Variants in PLA2G4A observed in about 807,000 individuals in gnomAD.
The protein encoded by PLA2G4A is cytosolic phospholipase A2.
Under a neutral mutation model 81.9 loss-of-function variants are expected in PLA2G4A, and 40 were observed. That is an observed-to-expected ratio of 0.49 (90% CI 0.38 to 0.64). The LOEUF (loss-of-function observed/expected upper bound fraction) is 0.64. PLA2G4A is among the 30% of genes least tolerant of loss of function. The pLI, the probability that PLA2G4A is intolerant of heterozygous loss-of-function variation, is 0.00. For synonymous variants in PLA2G4A, 302 were observed against 296.9 expected (o/e 1.02, Z -0.18); for missense variants, 715 against 905.1 (o/e 0.79, Z 2.69).
intron 2 of PLA2G4A, 85 bp downstream of exon 2, chr1:186,854,472 A>C: frequency 1.2e-6 from 1 of 848,718 alleles, no homozygotes. Flanking sequence ...TAGTAAAGTC[A>C]AACTGTGACA....
chr1:186,856,500 G>A (rs935446540), intron 2 of PLA2G4A, among the ~76,000 whole-genome samples: 1 of 151,164 alleles, frequency 6.6e-6, no homozygotes, highest in Non-Finnish European at 1.5e-5. Flanking sequence ...AGCAATTCGC[G>A]TGACTTAGCC....
intron 1 of PLA2G4A, among the ~76,000 whole-genome samples, chr1:186,851,289 C>T (rs981030705): frequency 1.3e-5 from 2 of 151,992 alleles, no homozygotes; most frequent in Non-Finnish European, 2.9e-5. Context: ...GGAATTACCA[C>T]TGCTGCAGCA....
intron 15 of PLA2G4A, among the ~76,000 whole-genome samples, chr1:186,974,475 G>A (rs1173764962): frequency 6.6e-6 from 1 of 152,136 alleles, no homozygotes; most frequent in African/African-American, 2.4e-5. Context: ...AGCCTGGGCA[G>A]CAGAGTGAGA....
intron 2 of PLA2G4A, among the ~76,000 whole-genome samples, chr1:186,861,094 A>T (rs1652779810): frequency 6.6e-6 from 1 of 152,154 alleles, no homozygotes; most frequent in South Asian, 2.1e-4. Context: ...CTTTAGAGAT[A>T]ACTTATTTGC....
chr1:186,897,995 A>G (rs1364471860), intron 5 of PLA2G4A, among the ~76,000 whole-genome samples: 6 of 151,868 alleles, frequency 4.0e-5, no homozygotes, highest in Non-Finnish European at 7.4e-5. Flanking sequence ...TCCAGTGTCT[A>G]TTTTTCTCAT....
chr1:186,946,507 G>C, intron 10 of PLA2G4A, 130 bp from the exon 11 acceptor site: 1 of 764,858 alleles, frequency 1.3e-6, no homozygotes, highest in Non-Finnish European at 2.3e-6. Flanking sequence ...TTTGGCTAAT[G>C]TTTTCATTTT....
chr1:186,911,216 T>C (rs371026213), intron 6 of PLA2G4A, 32 bp from the exon 7 acceptor site: 5 of 1,607,660 alleles, frequency 3.1e-6, no homozygotes, highest in Non-Finnish European at 4.3e-6. Flanking sequence ...CTGGGAGCAC[T>C]GGCTCATGAC....
chr1:186,830,413 G>T (rs1272632851), intron 1 of PLA2G4A, among the ~76,000 whole-genome samples: 1 of 151,850 alleles, frequency 6.6e-6, no homozygotes, highest in Non-Finnish European at 1.5e-5. Flanking sequence ...TTCGAGACCA[G>T]CCTGGCCAAC....
intron 13 of PLA2G4A, among the ~76,000 whole-genome samples, chr1:186,952,254 G>A (rs544317456): frequency 1.7e-4 from 26 of 152,282 alleles, no homozygotes; most frequent in Admixed American, 9.2e-4. Flanking sequence ...AACCCCTACA[G>A]TACTAGCTGA....
At chr1:186,965,847 A>G (rs12720664) in intron 15 of PLA2G4A, among the ~76,000 whole-genome samples, 415 of 152,296 alleles carry the variant, frequency 2.7e-3, no homozygotes, top group African/African-American at 9.4e-3. Context: ...GAAGTTTAGA[A>G]AGGAAATGAG....
intron 2 of PLA2G4A, among the ~76,000 whole-genome samples, chr1:186,858,887 A>T (rs1269408667): frequency 6.6e-6 from 1 of 151,222 alleles, no homozygotes; most frequent in Non-Finnish European, 1.5e-5. Flanking sequence ...CGCTATGTGT[A>T]TATGGAAAAA....
chr1:186,858,177 G>A (rs1249258477), intron 2 of PLA2G4A, among the ~76,000 whole-genome samples: 8 of 152,192 alleles, frequency 5.3e-5, no homozygotes, highest in South Asian at 2.1e-4. Flanking sequence ...CTGAGGAATC[G>A]CCACACTGTC....
chr1:186,946,866 T>A lies in PLA2G4A; in HGVS notation c.1172-3T>A. 2 of 1,610,030 alleles carry A rather than the reference T, an allele frequency of 1.2e-6. No individual in the cohort carries two copies. The highest frequency in any genetic ancestry group is 8.5e-7 in the Non-Finnish European group (1 of 1,176,434). On this transcript the variant is annotated splice_region_variant and splice_polypyrimidine_tract_variant and intron_variant, in intron 11 of 17. Transcript: ENST00000367466. ...GTTATTTTCTGTTTCTGTTTTATTT[T>A]AGGTGTCTGGGGCAGTGCCTTTTCC...
chr1:186,933,773 C>T (rs992512761), intron 8 of PLA2G4A, among the ~76,000 whole-genome samples: 1 of 152,182 alleles, frequency 6.6e-6, no homozygotes, highest in South Asian at 2.1e-4. Context: ...CATTTTTATG[C>T]TGAAGAAAAT....
At chr1:186,919,430 A>G (rs888405223) in intron 7 of PLA2G4A, among the ~76,000 whole-genome samples, 4 of 152,122 alleles carry the variant, frequency 2.6e-5, no homozygotes, top group African/African-American at 9.7e-5. Context: ...TCTTATACCT[A>G]CAGTCCTCCA....
intron 12 of PLA2G4A, among the ~76,000 whole-genome samples, chr1:186,948,290 G>A (rs1196516426): frequency 6.6e-6 from 1 of 152,082 alleles, no homozygotes; most frequent in Non-Finnish European, 1.5e-5. Context: ...TCTGTCCTCT[G>A]ATCATCACCC....
intron 13 of PLA2G4A, among the ~76,000 whole-genome samples, chr1:186,952,662 A>G (rs1656602314): frequency 6.6e-6 from 1 of 152,116 alleles, no homozygotes; most frequent in African/African-American, 2.4e-5. Context: ...ATCATTATAC[A>G]TGTCACACAC....
At chr1:186,978,573 G>C (rs541368343) in intron 16 of PLA2G4A, among the ~76,000 whole-genome samples, 2 of 152,144 alleles carry the variant, frequency 1.3e-5, no homozygotes, top group East Asian at 3.8e-4. Flanking sequence ...GGAGAAGGTG[G>C]AAATCTGACA....
At chr1:186,831,242 A>C (rs1293826051) in intron 1 of PLA2G4A, among the ~76,000 whole-genome samples, 2 of 152,046 alleles carry the variant, frequency 1.3e-5, no homozygotes, top group Non-Finnish European at 2.9e-5. Context: ...AAAACTTTGG[A>C]GTTTTCTGAT....
Sources: allele counts gnomAD v4.1 joint callset (sites outside exome capture counted in the v4.1 genomes callset), GRCh38; gene constraint gnomAD v4.1.1; transcripts MANE v1.5; gene names NCBI Gene and HGNC (gene_info 2026-07-23, HGNC 2026-07-21).